CCDC122: variants seen among roughly 807,000 people sequenced by gnomAD.
CCDC122 encodes coiled-coil domain containing 122, also known as coiled-coil domain-containing protein 122.
Under a neutral mutation model 37.0 loss-of-function variants are expected in CCDC122, and 38 were observed. The observed-to-expected ratio is 1.03, with a 90% CI of 0.79 to 1.35. The LOEUF is 1.35. Ranked by LOEUF, CCDC122 falls within the 40% of genes most tolerant of loss-of-function variation. CCDC122 has a pLI of 0.00. For missense variants in CCDC122, 305 were observed against 310.0 expected (o/e 0.98, Z 0.12); for synonymous variants, 83 against 95.6 (o/e 0.87, Z 0.77).
At chr13:43,865,696 C>A (rs529735489) in intron 4 of CCDC122, among the ~76,000 whole-genome samples, 1 of 152,234 alleles carries the variant, frequency 6.6e-6, no homozygotes, top group East Asian at 1.9e-4. Flanking sequence ...AACTCCCGAC[C>A]TCAAGTTATC....
At chr13:43,833,585 G>T (rs1412314921), downstream of CCDC122, among the ~76,000 whole-genome samples, 2 of 152,214 alleles carry the variant, frequency 1.3e-5, no homozygotes, top group African/African-American at 4.8e-5. Flanking sequence ...CATTCAGACA[G>T]ATAATGAACT....
chr13:43,844,507 A>G (rs1953453375), intron 6 of CCDC122, among the ~76,000 whole-genome samples: 1 of 152,026 alleles, frequency 6.6e-6, no homozygotes, highest in South Asian at 2.1e-4. Context: ...TAATTAGGTT[A>G]AGTTGATGGA....
downstream of CCDC122, among the ~76,000 whole-genome samples, chr13:43,821,748 T>G (rs1442539757): frequency 6.6e-6 from 1 of 152,228 alleles, no homozygotes; most frequent in African/African-American, 2.4e-5. Flanking sequence ...TTATTTCTTC[T>G]GCCTAAATTC....
intron 6 of CCDC122, among the ~76,000 whole-genome samples, chr13:43,840,145 T>C (rs1378311035): frequency 6.6e-6 from 1 of 152,154 alleles, no homozygotes; most frequent in Non-Finnish European, 1.5e-5. Flanking sequence ...ACCTATTGAG[T>C]TAGGTTGCAG....
At chr13:43,852,986 A>G (rs951789496) in intron 6 of CCDC122, among the ~76,000 whole-genome samples, 2 of 152,188 alleles carry the variant, frequency 1.3e-5, no homozygotes, top group African/African-American at 4.8e-5. Flanking sequence ...TCCTGAAGAA[A>G]GCACTAAATA....
rs1207718150 is a variant in CCDC122 at position 43,838,498 on chromosome 13, AC to A, written c.673-1070del. 5.3e-5 allele frequency among the ~76,000 whole-genome samples: 8 copies of A among 152,308 alleles called. No individual in the cohort carries two copies. In the East Asian group the frequency reaches 1.5e-3, roughly 29 times the overall value. On this transcript the variant is annotated intron_variant, in intron 6 of 6. Transcript: ENST00000444614. ...CCCAATCTTCTTAAAAAACAGCTTT[AC>A]AGAAATATAATTCACATACCATATA...
At chr13:43,853,071 C>G (rs1235709827) in intron 6 of CCDC122, among the ~76,000 whole-genome samples, 1 of 151,970 alleles carries the variant, frequency 6.6e-6, no homozygotes, top group East Asian at 1.9e-4. Context: ...ATAAGGCAAC[C>G]ACATAAACAA....
intron 1 of CCDC122, among the ~76,000 whole-genome samples, chr13:43,876,377 T>TA (rs1469716567): frequency 3.3e-5 from 5 of 152,240 alleles, no homozygotes; most frequent in African/African-American, 1.2e-4. Flanking sequence ...CATAGCATTA[T>TA]AAAAATGTCT....
At chr13:43,851,309 A>G (rs1290495992) in intron 6 of CCDC122, among the ~76,000 whole-genome samples, 1 of 152,258 alleles carries the variant, frequency 6.6e-6, no homozygotes, top group Non-Finnish European at 1.5e-5. Context: ...GGTCATAGCT[A>G]AAAAGTACAA....
chr13:43,873,560 T>C (rs1054449340), intron 2 of CCDC122, among the ~76,000 whole-genome samples: 1 of 152,232 alleles, frequency 6.6e-6, no homozygotes, highest in African/African-American at 2.4e-5. Context: ...GATCTTATTG[T>C]TGATGTTTCA....
At position 43,859,687 on chromosome 13, in the gene CCDC122, T is replaced by G. The variant is rs761785407; in HGVS notation, c.540A>C (p.Arg180=). 6.4e-7 allele frequency: 1 copy of G among 1,552,976 alleles called. No homozygotes were observed. Among genetic ancestry groups the G allele is most frequent in the Admixed American group, 2.2e-5 (1 of 45,358 alleles). ...TTTTGCACACCTGTACTTGTGTTAT[T>G]CGGTTCCCTCCTGGATTTTGAAGAT... ...MQDLQNPGGN[R]ITQVQEDITN... The change falls in exon 5 of 7, where the codon CGA becomes CGC. Residue 180 remains arginine, a synonymous_variant. Coordinates refer to ENST00000444614, the MANE Select transcript of CCDC122 (RefSeq NM_144974.5).
At chr13:43,827,036 T>G (rs1300736632) in intron 3 of CCDC122, among the ~76,000 whole-genome samples, 1 of 152,166 alleles carries the variant, frequency 6.6e-6, no homozygotes, top group Non-Finnish European at 1.5e-5. Context: ...GTTAGCTATA[T>G]TTTCATGAAG....
intron 4 of CCDC122, among the ~76,000 whole-genome samples, chr13:43,860,552 G>GATATTTACTT (rs138781453): frequency 0.049 from 7,455 of 152,152 alleles, 365 homozygotes; most frequent in African/African-American, 0.12. Context: ...TGAGTATAAA[G>GATATTTACTT]ATATTTACTT....
intron 3 of CCDC122, among the ~76,000 whole-genome samples, chr13:43,829,343 T>C (rs1171683943): frequency 1.3e-5 from 2 of 152,216 alleles, no homozygotes; most frequent in Non-Finnish European, 2.9e-5. Flanking sequence ...TCTTGCTCTA[T>C]CACCCAGGCT....
chr13:43,848,093 G>C (rs1177712421), intron 6 of CCDC122, among the ~76,000 whole-genome samples: 1 of 152,096 alleles, frequency 6.6e-6, no homozygotes. Flanking sequence ...TTTCTCATAG[G>C]ACTGGCTTTC....
chr13:43,872,418 T>C (rs541026423), intron 2 of CCDC122, among the ~76,000 whole-genome samples: 1 of 152,150 alleles, frequency 6.6e-6, no homozygotes, highest in African/African-American at 2.4e-5. Context: ...AGACCATTTA[T>C]GTCAAGTGGG....
At chr13:43,839,270 G>A (rs1009181594) in intron 6 of CCDC122, among the ~76,000 whole-genome samples, 6 of 151,960 alleles carry the variant, frequency 3.9e-5, no homozygotes, top group East Asian at 1.9e-4. Context: ...CTTAACCCTC[G>A]GCAACCATGA....
intron 6 of CCDC122, among the ~76,000 whole-genome samples, chr13:43,842,594 G>A (rs1953392190): frequency 6.6e-6 from 1 of 151,652 alleles, no homozygotes; most frequent in African/African-American, 2.4e-5. Context: ...ATGGAACAAT[G>A]TTGAACCTAT....
chr13:43,837,425 T>C lies in CCDC122; in HGVS notation c.677A>G (p.Gln226Arg), dbSNP rs754510838. 6.2e-7 allele frequency: 1 copy of C among 1,611,366 alleles called. No individual in the cohort carries two copies. Among genetic ancestry groups the C allele is most frequent in the Non-Finnish European group, 8.5e-7 (1 of 1,179,264 alleles). ...HEKLRKEIEV[Q>R]HKRYDAILKR... ...AAGAATTGCATCATACCTCTTATGTTGTACCTATCAAAAGAAGAGCACACA... is the reference window on the plus strand; with the variant it reads ...AAGAATTGCATCATACCTCTTATGTCGTACCTATCAAAAGAAGAGCACACA... Residue 226 changes from glutamine (Q) to arginine (R), a missense_variant, in exon 7 of 7, where the codon CAA becomes CGA. By Grantham distance (43) the Gln-to-Arg change is conservative. Transcript: ENST00000444614.
Sources: allele counts gnomAD v4.1 joint callset (sites outside exome capture counted in the v4.1 genomes callset), GRCh38; gene constraint gnomAD v4.1.1; transcripts MANE v1.5; gene names NCBI Gene and HGNC (gene_info 2026-07-23, HGNC 2026-07-21).